The following ARHGAP4 variants were observed in gnomAD, a reference collection of about 807,000 sequenced individuals.
The protein encoded by ARHGAP4 is rho GTPase-activating protein 4.
Under a neutral mutation model 67.6 loss-of-function variants are expected in ARHGAP4, and 25 were observed. The ratio of observed to expected loss-of-function variants is 0.37; its 90% confidence interval spans 0.27 to 0.52. ARHGAP4 has a LOEUF of 0.52. Among genes scored for constraint, ARHGAP4 ranks in the 20% least tolerant of loss-of-function variants. The pLI is 0.92. For synonymous variants in ARHGAP4, 448 were observed against 373.7 expected, an observed-to-expected ratio of 1.20 and a Z score of -2.29; for missense variants, 804 against 854.6, an observed-to-expected ratio of 0.94 and a Z score of 0.74.
chrX:153,926,011 A>ACC (rs1232779864), intron 1 of ARHGAP4, 125 bp downstream of exon 1: 3 of 981,437 alleles, frequency 3.1e-6, no homozygotes, highest in Non-Finnish European at 4.1e-6. Context: ...TCCCTCCTCC[A>ACC]CCCCCGCTCC....
At position 153,920,750 on chromosome X, in the gene ARHGAP4, C is replaced by T. The variant is rs782037515; in HGVS notation, c.557G>A (p.Arg186Gln). ...CTTCTCCTCCTGCCGCTCGGCCTCC[C>T]GGAGCTTGGCCTCGGCATTCACGCT... is the stretch of plus-strand genomic sequence containing the variant. The part of the protein sequence containing the change: ...MESVNAEAKL[R>Q]EAERQEEKRA... Residue 186 changes from arginine (R) to glutamine (Q), a missense_variant, in exon 5 of 22, where the codon CGG (arginine) becomes CAG (glutamine). Physicochemically the swap from Arg to Gln is conservative, Grantham distance 43. Coordinates refer to ENST00000350060, the MANE Select transcript of ARHGAP4 (RefSeq NM_001666.5). The T allele has an allele frequency of 2.1e-5, 26 of 1,211,150 alleles. No individual in the cohort carries two copies. The African/African-American group carries it at 2.8e-4, about 13-fold the overall frequency.
intron 20 of ARHGAP4, 32 bp from the exon 21 acceptor site, chrX:153,909,201 C>T (rs782335899): frequency 7.1e-5 from 81 of 1,146,758 alleles, no homozygotes; most frequent in Non-Finnish European, 9.1e-5. Flanking sequence ...TGGTGGGGGC[C>T]CTGGGAAGTC....
chrX:153,912,635 G>A lies in ARHGAP4; in HGVS notation c.1542+65C>T, dbSNP rs782431934. On this transcript the variant is annotated intron_variant, in intron 12 of 21. Coordinates refer to ENST00000350060, the MANE Select transcript of ARHGAP4 (RefSeq NM_001666.5). ...TCAGGCAGCTGCTCCGGCCACTGAG[G>A]TGACCCAGAGCTGAAGAAAGATCAG... The A allele has an allele frequency of 1.3e-5, 13 of 978,901 alleles. No homozygotes were observed. In the East Asian group the frequency reaches 2.8e-4, roughly 21 times the overall value. 80.7% of individuals were successfully genotyped at this position (978,901 alleles called of 1,213,427 possible).
chrX:153,918,786 C>G (rs782214475), intron 7 of ARHGAP4, 46 bp downstream of exon 7: 18 of 1,159,289 alleles, frequency 1.6e-5, no homozygotes, highest in Non-Finnish European at 2.1e-5. Flanking sequence ...CCCACCATTA[C>G]AGTGAAGGCC....
intron 5 of ARHGAP4, chrX:153,919,677 G>A (rs1293057589): frequency 1.7e-6 from 2 of 1,162,469 alleles, no homozygotes; most frequent in South Asian, 3.9e-5. Flanking sequence ...GGCCTCTGCG[G>A]GGGCCAGAGC....
intron 12 of ARHGAP4, among the ~76,000 whole-genome samples, chrX:153,911,504 G>A (rs1603284912): frequency 8.9e-6 from 1 of 111,824 alleles, no homozygotes; most frequent in Middle Eastern, 4.6e-3. Flanking sequence ...CCACTCGTAG[G>A]TGTCTGATAT....
chrX:153,919,311 G>A (rs2065076143), intron 5 of ARHGAP4, 28 bp from the exon 6 acceptor site: 2 of 1,211,896 alleles, frequency 1.7e-6, no homozygotes, highest in Non-Finnish European at 2.2e-6. Flanking sequence ...AGCGTGCCAG[G>A]GTCACGCACG....
chrX:153,910,995 C>T lies in ARHGAP4; in HGVS notation c.1608G>A (p.Leu536=). ...ATACCCGGAAGATGCCTTCATGCTG[C>T]AGGCCTGTGGGAGGACAAGGAGCTG... ...SCIRFINLNG[L]QHEGIFRVSG... Residue 536 remains leucine, a synonymous_variant, in exon 14 of 22, where the codon CTG becomes CTA. Transcript: ENST00000350060. 8.6e-7 allele frequency: 1 copy of T among 1,163,203 alleles called. No individual in the cohort carries two copies.
chrX:153,910,011 C>T lies in ARHGAP4; in HGVS notation c.2230+1G>A, dbSNP rs140961280. ...TGGGGCTCTCTGCCCATCGCCCTCA[C>T]CATCCTCCTGTGCGGGCATCTCGGC... is the stretch of plus-strand genomic sequence containing the variant. On this transcript the variant is annotated splice_donor_variant, in intron 18 of 21. Transcript: ENST00000350060. LOFTEE classifies it high-confidence loss of function. 15 of 1,209,855 alleles carry T rather than the reference C, an allele frequency of 1.2e-5. No homozygotes were observed. The highest frequency in any genetic ancestry group is 1.7e-5 in the Non-Finnish European group (15 of 895,172).
intron 1 of ARHGAP4, among the ~76,000 whole-genome samples, chrX:153,923,216 G>T (rs1276613274): frequency 1.8e-5 from 2 of 110,766 alleles, no homozygotes; most frequent in Admixed American, 9.6e-5. Context: ...CAGCTACTGT[G>T]CTAGTCCAGG....
chrX:153,909,652 G>A, intron 19 of ARHGAP4, 89 bp downstream of exon 19: 1 of 1,068,241 alleles, frequency 9.4e-7, no homozygotes, highest in Non-Finnish European at 1.2e-6. Context: ...GCCCAGCCCA[G>A]ACCTTCAGAA....
intron 1 of ARHGAP4, among the ~76,000 whole-genome samples, chrX:153,923,710 T>C (rs2065109844): frequency 8.9e-6 from 1 of 112,899 alleles, no homozygotes; most frequent in Non-Finnish European, 1.9e-5. Context: ...ACTCGTCAGC[T>C]CCAAGGCCAG....
intron 3 of ARHGAP4, 41 bp downstream of exon 3, chrX:153,921,324 A>G (rs782316998): frequency 1.3e-5 from 16 of 1,208,390 alleles, no homozygotes; most frequent in Non-Finnish European, 1.8e-5. Flanking sequence ...CCTGATCCCA[A>G]AGCCTCGAAC....
At chrX:153,920,535 G>A in intron 5 of ARHGAP4, 91 bp downstream of exon 5, 1 of 993,967 alleles carries the variant, frequency 1.0e-6, no homozygotes, top group Non-Finnish European at 1.3e-6. Flanking sequence ...GCCCTCCCCT[G>A]CACCCAGCCC....
intron 7 of ARHGAP4, among the ~76,000 whole-genome samples, chrX:153,915,907 T>G (rs1359232048): frequency 8.9e-6 from 1 of 112,405 alleles, no homozygotes; most frequent in Non-Finnish European, 1.9e-5. Flanking sequence ...GCAGGGATTT[T>G]GGACTCAGGG....
chrX:153,911,056 T>C (rs1376241985), intron 13 of ARHGAP4, 57 bp from the exon 14 acceptor site: 2 of 1,162,422 alleles, frequency 1.7e-6, no homozygotes, highest in South Asian at 1.9e-5. Flanking sequence ...CCCTCCAGGA[T>C]GGCCTCCCAT....
rs782476904 is a variant in ARHGAP4, at chrX:153,907,947, T to C, written c.2623A>G (p.Met875Val). Residue 875 changes from methionine to valine, a missense_variant, in exon 22 of 22, where the codon ATG becomes GTG. Met to Val is a conservative substitution (Grantham distance 21). Transcript: ENST00000350060. ...AAGAGCTCCTTAAACACAGAGTCCA[T>C]GTTCTGTGCCACAGCCTAGCGGAGG... ...VEVDKAVAQN[M>V]DSVFKELLGK... is the part of the protein sequence containing the mutation. The C allele has an allele frequency of 2.8e-5, 31 of 1,123,530 alleles. No individual in the cohort carries two copies. Among genetic ancestry groups the C allele is most frequent in the Non-Finnish European group, 3.5e-5 (30 of 853,367 alleles). The allele number at this position is 1,123,530 out of a possible 1,213,427, so 92.6% of individuals were successfully genotyped here.
In ARHGAP4 at chrX:153,919,627, T is replaced by A; in HGVS notation, c.682-344A>T. 2.6e-6 allele frequency: 3 copies of A among 1,166,929 alleles called. No homozygotes were observed. In the East Asian group the frequency reaches 9.8e-5, roughly 38 times the overall value. ...ATGGAGGGTGCACGAGAAACCCAGCTTGGAGCCAGCACACAGGTGCACAGC... is the reference window on the plus strand; with the variant it reads ...ATGGAGGGTGCACGAGAAACCCAGCATGGAGCCAGCACACAGGTGCACAGC... On this transcript the variant is annotated intron_variant, in intron 5 of 21. Coordinates refer to ENST00000350060, the MANE Select transcript of ARHGAP4 (RefSeq NM_001666.5).
rs1557104689 is a variant in ARHGAP4 at position 153,919,072 on chromosome X, G to C, written c.811-19C>G. ...CACAGCACTGAGGAGGAAACAAGGA[G>C]ATGCTTGGGTAGGTCCTGGAGCCAC... On this transcript the variant is annotated intron_variant, in intron 6 of 21. Transcript: ENST00000350060. 4.1e-6 allele frequency: 5 copies of C among 1,209,913 alleles called. No individual in the cohort carries two copies. The highest frequency in any genetic ancestry group is 2.3e-4 in the Middle Eastern group (1 of 4,353).
Sources: gnomAD v4.1 joint callset for allele counts (sites outside exome capture counted in the v4.1 genomes callset) on GRCh38, gnomAD v4.1.1 for gene constraint, MANE v1.5 for transcripts, NCBI Gene and HGNC (gene_info 2026-07-23, HGNC 2026-07-21) for gene names.